Variants in EVL observed in about 807,000 individuals in gnomAD.
EVL encodes ena/VASP-like protein.
Under a neutral mutation model 59.6 loss-of-function variants are expected in EVL, and 21 were observed. The ratio of observed to expected loss-of-function variants is 0.35; its 90% CI spans 0.25 to 0.51. The LOEUF is 0.51. EVL is among the 20% of genes least tolerant of loss of function. EVL has a pLI of 0.97. For synonymous variants in EVL, 198 were observed against 203.5 expected (o/e 0.97, Z 0.23); for missense variants, 462 against 546.6 (o/e 0.85, Z 1.54).
chr14:100,096,590 T>A (rs1220012116), intron 2 of EVL, among the ~76,000 whole-genome samples: 2 of 152,212 alleles, frequency 1.3e-5, no homozygotes, highest in Non-Finnish European at 2.9e-5. Context: ...TGATGTTAGA[T>A]CATCTGACTC....
At position 100,065,490 on chromosome 14, in the gene EVL, A is replaced by G; in HGVS notation, c.-11A>G. On this transcript the variant is annotated 5_prime_UTR_variant, in exon 1 of 14. Transcript: ENST00000392920. ...CCTCCTCAGGGTTCCCTGTGCTGCC[A>G]CTTTTCAGCCATGGCCACAAGGTGA... 7.9e-6 allele frequency: 12 copies of G among 1,519,024 alleles called. No homozygotes were observed. Among genetic ancestry groups the G allele is most frequent in the South Asian group, 1.3e-5 (1 of 78,444 alleles). The allele number at this position is 1,519,024 out of a possible 1,614,324, so 94.1% of individuals were successfully genotyped here.
At chr14:100,086,032 G>A (rs1364507030) in intron 2 of EVL, among the ~76,000 whole-genome samples, 2 of 152,182 alleles carry the variant, frequency 1.3e-5, no homozygotes, top group Admixed American at 1.3e-4. Context: ...GTGAGGCTGA[G>A]GCAGGAGAAT....
chr14:100,009,066 C>T (rs376875134), intron 1 of EVL, among the ~76,000 whole-genome samples: 8 of 152,226 alleles, frequency 5.3e-5, no homozygotes, highest in Admixed American at 2.0e-4. Flanking sequence ...GATTACAACT[C>T]TCTTAGGCAT....
chr14:100,050,666 A>G (rs897663562), intron 1 of EVL, among the ~76,000 whole-genome samples: 6 of 150,598 alleles, frequency 4.0e-5, no homozygotes, highest in Non-Finnish European at 8.9e-5. Context: ...AAAATATTTA[A>G]TAATTCATAT....
chr14:100,028,847 G>A (rs1472694861), intron 1 of EVL, among the ~76,000 whole-genome samples: 3 of 152,132 alleles, frequency 2.0e-5, no homozygotes, highest in Non-Finnish European at 4.4e-5. Flanking sequence ...TAAGCGTGCA[G>A]TTGTTGAGTT....
intron 1 of EVL, among the ~76,000 whole-genome samples, chr14:100,012,645 C>G (rs2061023972): frequency 6.6e-6 from 1 of 152,160 alleles, no homozygotes; most frequent in African/African-American, 2.4e-5. Flanking sequence ...ATGAACAATT[C>G]TGTGTGCCAG....
rs1053229944 is a variant in EVL at position 100,108,192 on chromosome 14, C to A, written c.358+10534C>A. On this transcript the variant is annotated intron_variant, in intron 3 of 13. Coordinates refer to ENST00000392920, the MANE Select transcript of EVL (RefSeq NM_016337.3). The surrounding 1 kb of genome is among the most constrained non-coding windows in gnomAD (Gnocchi z 4.1). ...AGAAAGAGCCCCGGAAAGGGACTTA[C>A]AGGCAGACCTTCCCGGGAAGAGTCA... is the stretch of plus-strand genomic sequence containing the variant. 5.9e-5 allele frequency: 9 copies of A among 152,214 alleles called. No homozygotes were observed. The highest frequency in any genetic ancestry group is 2.2e-4 in the African/African-American group (9 of 41,442). The allele number at this position is 152,214 out of a possible 1,614,324, so 9.4% of individuals were successfully genotyped here. A position where few individuals can be genotyped will look rare whatever the true frequency, so the allele number is the denominator to read the frequency against.
intron 3 of EVL, among the ~76,000 whole-genome samples, chr14:100,111,148 ATTTTTTTTTTT>A (rs35367426): frequency 3.5e-5 from 3 of 86,798 alleles, no homozygotes; most frequent in Admixed American, 1.5e-4. Context: ...TAGTGTCCTC[ATTTTTTTTTTT>A]TTTTTTTTTT....
chr14:100,047,112 CTCTCTCTTT>C (rs2061562039), intron 1 of EVL, among the ~76,000 whole-genome samples: 1 of 11,404 alleles, frequency 8.8e-5, no homozygotes, highest in African/African-American at 5.7e-4. Context: ...GGGCAGATCT[CTCTCTCTTT>C]TTTTTTTTTT....
At chr14:100,063,503 C>T (rs72711916), upstream of EVL, among the ~76,000 whole-genome samples, 2,570 of 152,122 alleles carry the variant, frequency 0.017, 39 homozygotes, top group Non-Finnish European at 0.029. Flanking sequence ...TTACAGCAGC[C>T]GCAGAAAACC....
intron 1 of EVL, among the ~76,000 whole-genome samples, chr14:100,040,890 A>G (rs1450102016): frequency 6.6e-6 from 1 of 152,222 alleles, no homozygotes; most frequent in Non-Finnish European, 1.5e-5. Flanking sequence ...AATTAATGGT[A>G]GTTATTAGCA....
At chr14:100,106,988 G>A in intron 3 of EVL, 1 of 398,724 alleles carries the variant, frequency 2.5e-6, no homozygotes, top group Non-Finnish European at 4.4e-6. Flanking sequence ...AAGAGTGCAT[G>A]TCCTGGAGCC....
chr14:100,014,669 T>G (rs2061038141), intron 1 of EVL, among the ~76,000 whole-genome samples: 1 of 152,262 alleles, frequency 6.6e-6, no homozygotes, highest in African/African-American at 2.4e-5. Flanking sequence ...TGCTGGATCA[T>G]ATGAACACTT....
chr14:100,096,930 T>C (rs1885855418), intron 2 of EVL: 3 of 152,640 alleles, frequency 2.0e-5, no homozygotes, highest in Non-Finnish European at 4.4e-5. Context: ...AGTTATTCTT[T>C]CGACACATAG....
chr14:99,999,002 G>GA (rs1455849790), intron 1 of EVL, among the ~76,000 whole-genome samples: 2 of 151,598 alleles, frequency 1.3e-5, no homozygotes, highest in Non-Finnish European at 2.9e-5. Flanking sequence ...TTTTTTATTT[G>GA]ATTTGTGGAA....
Position 100,114,390 on chromosome 14 carries a change from A to G in EVL, c.359-9149A>G, listed in dbSNP as rs192618574. 3 of 152,426 alleles carry G rather than the reference A, an allele frequency of 2.0e-5. 1 individual carries two copies. In the East Asian group the frequency reaches 5.8e-4, roughly 30 times the overall value. The allele number at this position is 152,426 out of a possible 1,614,324, so 9.4% of individuals were successfully genotyped here. A position where few individuals can be genotyped will look rare whatever the true frequency, so the allele number is the denominator to read the frequency against. On this transcript the variant is annotated intron_variant, in intron 3 of 13. Coordinates refer to ENST00000392920, the MANE Select transcript of EVL (RefSeq NM_016337.3). This position sits in a 1 kb window ranked among gnomAD's most constrained non-coding sequence, Gnocchi z 5.0. The stretch of plus-strand genomic sequence containing the variant: ...TCTTGGCAGACACCTGGTGTCACCA[A>G]GGCCTGTGAGCTGAGCCCCACAAGG...
intron 4 of EVL, among the ~76,000 whole-genome samples, chr14:100,126,000 G>A (rs1277949554): frequency 6.6e-6 from 1 of 152,208 alleles, no homozygotes; most frequent in African/African-American, 2.4e-5. Flanking sequence ...CACCACACGA[G>A]CTGAGCTCTT....
chr14:100,005,964 A>T (rs1351871201), intron 1 of EVL, among the ~76,000 whole-genome samples: 2 of 100,586 alleles, frequency 2.0e-5, no homozygotes, highest in East Asian at 1.2e-3. Context: ...AAGCCCTTTA[A>T]GTCAAAAAAT....
rs1426188715 is a variant in EVL, at chr14:100,104,533, T to G, written c.358+6875T>G. 2.0e-5 allele frequency among the ~76,000 whole-genome samples: 3 copies of G among 152,278 alleles called. No individual in the cohort carries two copies. The East Asian group carries it at 5.8e-4, about 29-fold the overall frequency. ...GACAATTCTAAGGAATAAGGAGCTC[T>G]CCACACTAGTGTGAGGGCCCCAGGG... On this transcript the variant is annotated intron_variant, in intron 3 of 13. Coordinates refer to ENST00000392920, the MANE Select transcript of EVL (RefSeq NM_016337.3).
Sources: allele counts gnomAD v4.1 joint callset (sites outside exome capture counted in the v4.1 genomes callset), GRCh38; gene constraint gnomAD v4.1.1; non-coding constraint Gnocchi (gnomAD v3.1); transcripts MANE v1.5; gene names NCBI Gene and HGNC (gene_info 2026-07-23, HGNC 2026-07-21).